AGBL1: variants seen among roughly 807,000 people sequenced by gnomAD.
AGBL1 encodes AGBL carboxypeptidase 1.
A neutral mutation model predicts 118.9 loss-of-function variants in AGBL1; 130 were observed. That is an observed-to-expected ratio of 1.09 (90% CI 0.95 to 1.26). AGBL1 has a LOEUF of 1.26. Among genes scored for constraint, AGBL1 ranks in the 50% most tolerant of loss-of-function variants. AGBL1 has a pLI of 0.00. For missense variants in AGBL1, 1,584 were observed against 1,298.1 expected (o/e 1.22, Z -3.38); for synonymous variants, 555 against 478.9 (o/e 1.16, Z -2.08).
chr15:86,300,157 T>A (rs533481279), intron 17 of AGBL1, among the ~76,000 whole-genome samples: 1 of 152,146 alleles, frequency 6.6e-6, no homozygotes, highest in Non-Finnish European at 1.5e-5. Context: ...CTTACTGGAC[T>A]ATTACCCAGA....
At chr15:86,632,818 A>G (rs1302683266) in intron 21 of AGBL1, among the ~76,000 whole-genome samples, 1 of 71,476 alleles carries the variant, frequency 1.4e-5, no homozygotes, top group Non-Finnish European at 3.1e-5. Context: ...TTTGCAGTTA[A>G]TTTGTAAAAA....
chr15:86,521,846 G>A (rs1405592780), intron 18 of AGBL1, among the ~76,000 whole-genome samples: 1 of 152,144 alleles, frequency 6.6e-6, no homozygotes. Context: ...CAATGGTGGA[G>A]GATTTGGGAG....
At chr15:86,753,507 C>T (rs1247683220) in intron 22 of AGBL1, among the ~76,000 whole-genome samples, 1 of 148,882 alleles carries the variant, frequency 6.7e-6, no homozygotes, top group Non-Finnish European at 1.5e-5. Context: ...AAGCAATTCT[C>T]TTGCCTTAGC....
chr15:86,990,721 A>G (rs534013615), intron 24 of AGBL1, among the ~76,000 whole-genome samples: 1 of 152,290 alleles, frequency 6.6e-6, no homozygotes, highest in South Asian at 2.1e-4. Flanking sequence ...AAATACCTGC[A>G]CATGTTTAAA....
intron 22 of AGBL1, among the ~76,000 whole-genome samples, chr15:86,842,637 A>G (rs1325000001): frequency 6.6e-6 from 1 of 152,254 alleles, no homozygotes; most frequent in African/African-American, 2.4e-5. Flanking sequence ...CTGCAGCAGG[A>G]AAGTGAGGAG....
chr15:86,222,086 C>T (rs2078289313), intron 5 of AGBL1, among the ~76,000 whole-genome samples: 2 of 152,168 alleles, frequency 1.3e-5, no homozygotes, highest in African/African-American at 4.8e-5. Context: ...GTTTCCTATC[C>T]TCTAGTGTTG....
chr15:86,256,726 A>T, intron 7 of AGBL1, 127 bp from the exon 8 acceptor site: 1 of 896,618 alleles, frequency 1.1e-6, no homozygotes, highest in Non-Finnish European at 1.7e-6. Flanking sequence ...CCATGCGTAT[A>T]ATTCATTAGC....
In AGBL1 at chr15:86,850,120, A is replaced by G. The variant is rs116993059; in HGVS notation, c.3159-56967A>G. Among the ~76,000 whole-genome samples, 706 of 152,268 alleles carry G rather than the reference A, an allele frequency of 4.6e-3. 1 individual carries two copies. The highest frequency in any genetic ancestry group is 8.4e-3 in the Non-Finnish European group (573 of 68,028). ...CGCATTCAATGGAAATGATAAGAGA[A>G]CTCTGTTCAGCTGTTTCCCATGTGT... On this transcript the variant is annotated intron_variant, in intron 22 of 22. Coordinates refer to ENST00000614907, the MANE Select transcript of AGBL1 (RefSeq NM_001386094.1).
chr15:86,918,717 G>A (rs1363869962), downstream of AGBL1, among the ~76,000 whole-genome samples: 2 of 152,182 alleles, frequency 1.3e-5, no homozygotes, highest in Non-Finnish European at 2.9e-5. Context: ...ATGGGCTGAT[G>A]GTGGTAGTTG....
intron 22 of AGBL1, among the ~76,000 whole-genome samples, chr15:86,833,100 C>A (rs962869535): frequency 6.6e-6 from 1 of 152,112 alleles, no homozygotes; most frequent in Non-Finnish European, 1.5e-5. Flanking sequence ...ATGGAAAAGA[C>A]CCGCCCCCAT....
At chr15:86,745,610 G>T (rs2077744907) in intron 22 of AGBL1, among the ~76,000 whole-genome samples, 1 of 151,958 alleles carries the variant, frequency 6.6e-6, no homozygotes, top group East Asian at 1.9e-4. Context: ...ACTACGTGGT[G>T]CATGTCAGAT....
intron 23 of AGBL1, among the ~76,000 whole-genome samples, chr15:86,984,019 A>C (rs1458485903): frequency 1.3e-5 from 2 of 152,150 alleles, no homozygotes; most frequent in African/African-American, 4.8e-5. Flanking sequence ...TTATGTGGGC[A>C]TATCATTTTA....
intron 5 of AGBL1, among the ~76,000 whole-genome samples, chr15:86,178,916 G>A (rs1371592706): frequency 6.6e-6 from 1 of 152,176 alleles, no homozygotes; most frequent in African/African-American, 2.4e-5. Context: ...TGACTGACGA[G>A]GGGCTCCTGG....
At chr15:86,255,209 C>A (rs1009566596) in intron 7 of AGBL1, among the ~76,000 whole-genome samples, 2 of 152,124 alleles carry the variant, frequency 1.3e-5, no homozygotes, top group African/African-American at 4.8e-5. Flanking sequence ...TCTCTTTCAC[C>A]TTCTTGCTTC....
chr15:86,546,126 A>G lies in AGBL1; in HGVS notation c.2810A>G (p.Asn937Ser), dbSNP rs1056793244. The G allele has an allele frequency of 3.7e-6, 6 of 1,612,294 alleles. No individual in the cohort carries two copies. The highest frequency in any genetic ancestry group is 3.3e-5 in the Admixed American group (2 of 59,870). Residue 937 changes from asparagine to serine, a missense_variant, in exon 20 of 23, where the codon AAC becomes AGC. By Grantham distance (46) the Asn-to-Ser change is conservative (BLOSUM62 1). Transcript: ENST00000614907. ...ACATCTACTATCCTAGAGGAGGTCA[A>G]CTACAGGGTAAGCCGCTGTGGGGAA... The part of the protein sequence containing the change: ...VGTSTILEEV[N>S]YRTLPKILDK...
chr15:86,672,306 A>T (rs1467352192), intron 21 of AGBL1, among the ~76,000 whole-genome samples: 4 of 152,094 alleles, frequency 2.6e-5, no homozygotes, highest in African/African-American at 9.7e-5. Flanking sequence ...GGGGCATCAA[A>T]TTTTTTTTAC....
chr15:86,353,227 G>C (rs2080659706), intron 17 of AGBL1, among the ~76,000 whole-genome samples: 1 of 152,186 alleles, frequency 6.6e-6, no homozygotes, highest in African/African-American at 2.4e-5. Context: ...TGGGCTATCA[G>C]AAAATATTCA....
chr15:86,441,009 A>G (rs16977195), intron 18 of AGBL1, among the ~76,000 whole-genome samples: 6,632 of 152,266 alleles, frequency 0.044, 233 homozygotes, highest in East Asian at 0.15. Context: ...GGACAGATGG[A>G]GTAAAGACCT....
chr15:86,537,049 G>A (rs1354368209), intron 19 of AGBL1, among the ~76,000 whole-genome samples: 1 of 152,224 alleles, frequency 6.6e-6, no homozygotes, highest in Non-Finnish European at 1.5e-5. Context: ...GCAAAGCACA[G>A]TCCATCCTTG....
Sources: gnomAD v4.1 joint callset for allele counts (sites outside exome capture counted in the v4.1 genomes callset) on GRCh38, gnomAD v4.1.1 for gene constraint, MANE v1.5 for transcripts, NCBI Gene and HGNC (gene_info 2026-07-23, HGNC 2026-07-21) for gene names.